ASB2: variants seen among roughly 807,000 people sequenced by gnomAD.
ASB2 encodes ankyrin repeat and SOCS box protein 2.
Under a neutral mutation model 62.4 loss-of-function variants are expected in ASB2, and 58 were observed. The observed-to-expected ratio is 0.93, with a 90% CI of 0.75 to 1.16. ASB2 has a LOEUF of 1.16. ASB2 is among the 50% of genes most tolerant of loss of function. ASB2 has a pLI of 0.00. For synonymous variants in ASB2, 386 were observed against 385.3 expected, an observed-to-expected ratio of 1.00 and a Z score of -0.02; for missense variants, 928 against 887.9, an observed-to-expected ratio of 1.05 and a Z score of -0.57.
At chr14:93,954,206 C>G (rs1889085820) in intron 4 of ASB2, 111 bp downstream of exon 4, 1 of 864,442 alleles carries the variant, frequency 1.2e-6, no homozygotes, top group Non-Finnish European at 1.9e-6. Context: ...GACAGCCTTG[C>G]CTGCCCTTCT....
At chr14:93,940,954 C>G (rs1247353430) in intron 7 of ASB2, among the ~76,000 whole-genome samples, 1 of 152,230 alleles carries the variant, frequency 6.6e-6, no homozygotes, top group Non-Finnish European at 1.5e-5. Flanking sequence ...ATGCCCCTAC[C>G]TCTTGTGTAG....
At chr14:93,956,474 GC>G (rs1238846721) in intron 3 of ASB2, among the ~76,000 whole-genome samples, 1 of 152,106 alleles carries the variant, frequency 6.6e-6, no homozygotes, top group Non-Finnish European at 1.5e-5. Context: ...CAGTTTCAGA[GC>G]CCCATGGGGC....
rs201042901 is a variant in ASB2 at position 93,934,646 on chromosome 14, G to A, written c.*10C>T. On this transcript the variant is annotated 3_prime_UTR_variant, in exon 10 of 10. Transcript: ENST00000555019. ...TCTGAGGGGCTACTCCTCTCTCCCC[G>A]TGGCCCCAGTTACTGGGTGTTCTCG... 19 of 1,613,848 alleles carry A rather than the reference G, an allele frequency of 1.2e-5. No homozygotes were observed. The highest frequency in any genetic ancestry group is 4.5e-5 in the East Asian group (2 of 44,872).
intron 1 of ASB2, 106 bp from the exon 2 acceptor site, chr14:93,964,718 T>C: frequency 1.6e-6 from 1 of 630,842 alleles, no homozygotes; most frequent in South Asian, 1.9e-5. Context: ...CATTCATTTC[T>C]AAATTTATTC....
chr14:93,960,364 A>T (rs1041035477), intron 2 of ASB2, among the ~76,000 whole-genome samples: 1 of 152,210 alleles, frequency 6.6e-6, no homozygotes, highest in African/African-American at 2.4e-5. Context: ...CCCAGCCCTG[A>T]TTCACAACCT....
At position 93,956,808 on chromosome 14, in the gene ASB2, A is replaced by G. The variant is rs755889756; in HGVS notation, c.269T>C (p.Met90Thr). ...GAACAAGCTGCTGCTGTATTTCTGCATGACCCCTTGGAACAAGCCCATTGG... is the reference window on the plus strand; with the variant it reads ...GAACAAGCTGCTGCTGTATTTCTGCGTGACCCCTTGGAACAAGCCCATTGG... ...RAPMGLFQGVMQKYSSSLFKT... is the reference protein window; with the variant it reads ...RAPMGLFQGVTQKYSSSLFKT... Residue 90 changes from methionine (M) to threonine (T), a missense_variant, in exon 3 of 10, where the codon ATG (methionine) becomes ACG (threonine). By Grantham distance (81) the Met-to-Thr change is moderately conservative. Coordinates refer to ENST00000555019, the MANE Select transcript of ASB2 (RefSeq NM_001202429.2). The G allele has an allele frequency of 6.2e-7, 1 of 1,614,228 alleles. No individual in the cohort carries two copies.
intron 7 of ASB2, among the ~76,000 whole-genome samples, chr14:93,942,957 T>C (rs116515957): frequency 0.011 from 1,670 of 152,332 alleles, 33 homozygotes; most frequent in African/African-American, 0.038. Flanking sequence ...GTCATAATTG[T>C]GCTAATATTG....
intron 2 of ASB2, chr14:93,957,427 GTGT>G: frequency 2.0e-6 from 2 of 991,130 alleles, no homozygotes; most frequent in Non-Finnish European, 2.4e-6. Flanking sequence ...AACCTCTATA[GTGT>G]TATTATAGGA....
At chr14:93,971,627 C>A (rs1464912228) in intron 1 of ASB2, among the ~76,000 whole-genome samples, 1 of 152,212 alleles carries the variant, frequency 6.6e-6, no homozygotes, top group Non-Finnish European at 1.5e-5. Flanking sequence ...CCCACTGCAG[C>A]AGGTATGGGG....
chr14:93,945,924 C>T (rs560926062), intron 7 of ASB2, among the ~76,000 whole-genome samples: 1 of 152,128 alleles, frequency 6.6e-6, no homozygotes, highest in African/African-American at 2.4e-5. Context: ...GGTGTGTTTC[C>T]CCAAGTGTCA....
At chr14:93,975,486 C>T (rs141323360) in intron 1 of ASB2, among the ~76,000 whole-genome samples, 5 of 152,214 alleles carry the variant, frequency 3.3e-5, no homozygotes, top group Admixed American at 1.3e-4. Flanking sequence ...TGTGAACACA[C>T]GGGTGGGAGT....
chr14:93,970,760 C>G (rs189539808), intron 1 of ASB2, among the ~76,000 whole-genome samples: 1 of 152,288 alleles, frequency 6.6e-6, no homozygotes, highest in African/African-American at 2.4e-5. Flanking sequence ...TATACTCAAC[C>G]CTAGCTCTGC....
At chr14:93,948,786 C>T (rs1261113356) in intron 6 of ASB2, among the ~76,000 whole-genome samples, 1 of 152,112 alleles carries the variant, frequency 6.6e-6, no homozygotes, top group Non-Finnish European at 1.5e-5. Flanking sequence ...CTGAGTAGCC[C>T]CTGGCCGGGC....
At position 93,956,871 on chromosome 14, in the gene ASB2, C is replaced by T; in HGVS notation, c.207-1G>A. 6.2e-7 allele frequency: 1 copy of T among 1,614,186 alleles called. No individual in the cohort carries two copies. The highest frequency in any genetic ancestry group is 8.5e-7 in the Non-Finnish European group (1 of 1,180,030). On this transcript the variant is annotated splice_acceptor_variant, in intron 2 of 9. Coordinates refer to ENST00000555019, the MANE Select transcript of ASB2 (RefSeq NM_001202429.2). LOFTEE classifies it high-confidence loss of function. The stretch of plus-strand genomic sequence containing the variant: ...CGAACTCTCAGGAGGTGCAGTGGAC[C>T]TGGAGGGTGCAGAGCAGGAGTGAAA...
intron 7 of ASB2, chr14:93,941,820 T>G (rs1567020658): frequency 2.0e-5 from 8 of 402,798 alleles, no homozygotes; most frequent in Non-Finnish European, 3.5e-5. Context: ...GAGCATTGTC[T>G]CAGTTATGTG....
Position 93,957,959 on chromosome 14 carries a change from G to A in ASB2, c.207-1089C>T, listed in dbSNP as rs142160477. ...CTACCAGTGACTCACACCCTGTGGG[G>A]CATGGGGTAATTATGACCCTGAGAA... On this transcript the variant is annotated intron_variant, in intron 2 of 9. Transcript: ENST00000555019. 4.7e-3 allele frequency among the ~76,000 whole-genome samples: 714 copies of A among 152,254 alleles called. 4 individuals carry two copies. The highest frequency in any genetic ancestry group is 0.02 in the South Asian group (94 of 4,814).
chr14:93,956,674 C>G (rs1889221134), intron 3 of ASB2, 92 bp downstream of exon 3: 1 of 1,549,546 alleles, frequency 6.5e-7, no homozygotes, highest in Middle Eastern at 2.2e-4. Context: ...CTCTGCCCTC[C>G]TGGGGGCTGT....
intron 2 of ASB2, chr14:93,957,557 G>C (rs941578942): frequency 2.1e-5 from 5 of 232,844 alleles, no homozygotes; most frequent in South Asian, 1.6e-4. Context: ...CTGTGCCTTA[G>C]TCCCCGCTCC....
intron 1 of ASB2, among the ~76,000 whole-genome samples, chr14:93,972,911 C>T (rs1160466483): frequency 6.6e-6 from 1 of 152,196 alleles, no homozygotes; most frequent in African/African-American, 2.4e-5. Context: ...AGGAAAGCAC[C>T]CACAAAGGCC....
Sources: gnomAD v4.1 joint callset for allele counts (sites outside exome capture counted in the v4.1 genomes callset) on GRCh38, gnomAD v4.1.1 for gene constraint, MANE v1.5 for transcripts, NCBI Gene and HGNC (gene_info 2026-07-23, HGNC 2026-07-21) for gene names.